Variants in KLK5 observed in about 807,000 individuals in gnomAD.
KLK5 encodes kallikrein related peptidase 5, also known as kallikrein-5.
A neutral mutation model predicts 24.0 loss-of-function variants in KLK5; 18 were observed. That is an observed-to-expected ratio of 0.75 (90% CI 0.52 to 1.11). The LOEUF is 1.11. Ranked by LOEUF, KLK5 falls within the 50% of genes most tolerant of loss-of-function variation. KLK5 has a pLI of 0.00. For missense variants in KLK5, 374 were observed against 379.2 expected, an observed-to-expected ratio of 0.99 and a Z score of 0.11; for synonymous variants, 140 against 154.0, an observed-to-expected ratio of 0.91 and a Z score of 0.67.
rs2090658135 is a variant in KLK5, at chr19:50,948,850, G to T, written c.592+9C>A. The T allele has an allele frequency of 6.2e-7, 1 of 1,613,966 alleles. No individual in the cohort carries two copies. The highest frequency in any genetic ancestry group is 1.3e-5 in the African/African-American group (1 of 74,888). On this transcript the variant is annotated intron_variant, in intron 4 of 5. Coordinates refer to ENST00000336334, the MANE Select transcript of KLK5 (RefSeq NM_012427.5). The stretch of plus-strand genomic sequence containing the variant: ...ATGGGTCGGTATCAAGAAGAACCTG[G>T]ACACTCACCTTGGGGGCTCTTGGTT...
rs1285539655 is a variant in KLK5 at position 50,949,854 on chromosome 19, C to A, written c.335+1G>T. Reference sequence around the variant, plus strand: ...ACCCTCCTCTTGGAACTCCCACTCACTTCTTCCTGCAGTGGGCGGCCGTGA... The same window carrying A: ...ACCCTCCTCTTGGAACTCCCACTCAATTCTTCCTGCAGTGGGCGGCCGTGA... On this transcript the variant is annotated splice_donor_variant, in intron 3 of 5. Coordinates refer to ENST00000336334, the MANE Select transcript of KLK5 (RefSeq NM_012427.5). LOFTEE classifies it high-confidence loss of function. The A allele has an allele frequency of 5.7e-6, 9 of 1,574,484 alleles. No individual in the cohort carries two copies. Among genetic ancestry groups the A allele is most frequent in the Non-Finnish European group, 7.8e-6 (9 of 1,154,580 alleles).
At chr19:50,950,170 G>A in intron 2 of KLK5, 54 bp from the exon 3 acceptor site, 1 of 1,564,636 alleles carries the variant, frequency 6.4e-7, no homozygotes, top group South Asian at 1.1e-5. Context: ...TGGGCTGGGG[G>A]TGGGTTTCAG....
Position 50,948,620 on chromosome 19 carries a change from A to G in KLK5, c.726+20T>C. The G allele has an allele frequency of 6.2e-7, 1 of 1,613,958 alleles. No individual in the cohort carries two copies. The stretch of plus-strand genomic sequence containing the variant: ...TTGGCACTCAGTGTGTATCTGCTGA[A>G]TAAAGAGAGGTGTCCTCACCTGGCA... On this transcript the variant is annotated intron_variant, in intron 5 of 5. Coordinates refer to ENST00000336334, the MANE Select transcript of KLK5 (RefSeq NM_012427.5).
At chr19:50,946,284 G>A (rs901007960) in intron 5 of KLK5, among the ~76,000 whole-genome samples, 1 of 152,236 alleles carries the variant, frequency 6.6e-6, no homozygotes, top group Non-Finnish European at 1.5e-5. Flanking sequence ...ATAATAACAG[G>A]TAAATGAGTT....
rs8106046 is a variant in KLK5, at chr19:50,952,556, C to T, written c.73+29G>A. On this transcript the variant is annotated intron_variant, in intron 2 of 5. Transcript: ENST00000336334. ...CGCAGAGACAGTCCTCCCAATCCCA[C>T]AACCCTCCCACCCCAGAGTTCTGGT... The T allele has an allele frequency of 4.4e-3, 6,765 of 1,546,766 alleles. 251 individuals are homozygous for T. In the African/African-American group the frequency reaches 0.083, roughly 19 times the overall value.
At chr19:50,948,432 T>A (rs1158699315) in intron 5 of KLK5, among the ~76,000 whole-genome samples, 1 of 152,216 alleles carries the variant, frequency 6.6e-6, no homozygotes, top group Non-Finnish European at 1.5e-5. Flanking sequence ...CTTTTTTACC[T>A]GTTTTAATGT....
intron 3 of KLK5, 112 bp downstream of exon 3, chr19:50,949,743 C>A: frequency 1.6e-6 from 1 of 627,636 alleles, no homozygotes. Flanking sequence ...CCCCCAACCC[C>A]ACTTCCCCGT....
In KLK5 at chr19:50,950,093, C is replaced by G. The variant is rs771405955; in HGVS notation, c.97G>C (p.Val33Leu). 1 of 1,612,176 alleles carries G rather than the reference C, an allele frequency of 6.2e-7. No homozygotes were observed. Among genetic ancestry groups the G allele is most frequent in the Non-Finnish European group, 8.5e-7 (1 of 1,179,122 alleles). Residue 33 changes from valine (V) to leucine (L), a missense_variant, in exon 3 of 6, where the codon GTT becomes CTT. Val to Leu is a conservative substitution (Grantham distance 32). Transcript: ENST00000336334. Reference protein sequence around the residue: ...VTEHVLANNDVSCDHPSNTVP... With the variant: ...VTEHVLANNDLSCDHPSNTVP... ...GTGTTAGAGGGGTGGTCACAGGAAA[C>G]ATCATTGTTGGCGAGAACATGCTCT...
At chr19:50,946,801 C>T (rs1222323279) in intron 5 of KLK5, among the ~76,000 whole-genome samples, 2 of 152,102 alleles carry the variant, frequency 1.3e-5, no homozygotes, top group African/African-American at 4.8e-5. Flanking sequence ...CCTAGTGATC[C>T]ACCCGCCTCG....
rs776035225 is a variant in KLK5 at position 50,949,840 on chromosome 19, G to A, written c.335+15C>T. The A allele has an allele frequency of 1.9e-5, 23 of 1,229,840 alleles. No homozygotes were observed. Among genetic ancestry groups the A allele is most frequent in the Non-Finnish European group, 2.2e-5 (21 of 944,556 alleles). 76.2% of individuals were successfully genotyped at this position (1,229,840 alleles called of 1,614,324 possible). The stretch of plus-strand genomic sequence containing the variant: ...CCCCGTCCCCACCAACCCTCCTCTT[G>A]GAACTCCCACTCACTTCTTCCTGCA... On this transcript the variant is annotated intron_variant, in intron 3 of 5. Transcript: ENST00000336334.
Position 50,948,626 on chromosome 19 carries a change from A to G in KLK5, c.726+14T>C. On this transcript the variant is annotated intron_variant, in intron 5 of 5. Transcript: ENST00000336334. ...CTCAGTGTGTATCTGCTGAATAAAG[A>G]GAGGTGTCCTCACCTGGCAGGAGTC... The G allele has an allele frequency of 6.2e-7, 1 of 1,613,970 alleles. No individual in the cohort carries two copies. The highest frequency in any genetic ancestry group is 1.3e-5 in the African/African-American group (1 of 75,030).
At chr19:50,948,561 T>C in intron 5 of KLK5, 79 bp downstream of exon 5, 1 of 1,462,866 alleles carries the variant, frequency 6.8e-7, no homozygotes, top group Non-Finnish European at 9.5e-7. Context: ...AATTGCTGGA[T>C]TCTCAGAATT....
intron 5 of KLK5, 115 bp from the exon 6 acceptor site, chr19:50,943,901 C>T: frequency 1.4e-6 from 1 of 721,618 alleles, no homozygotes; most frequent in Non-Finnish European, 2.2e-6. Flanking sequence ...AACAGACACA[C>T]AGAGATGGAA....
rs576017296 is a variant in KLK5 at position 50,945,742 on chromosome 19, T to G, written c.727-1956A>C. On this transcript the variant is annotated intron_variant, in intron 5 of 5. Transcript: ENST00000336334. ...GGAGGCGCATGCTGCAGTGAGCTGA[T>G]ATGGTGCCATTGCACTCCAGCCTGG... Among the ~76,000 whole-genome samples the G allele has an allele frequency of 1.9e-4, 29 of 149,394 alleles. No homozygotes were observed. In the South Asian group the frequency reaches 3.6e-3, roughly 19 times the overall value.
At chr19:50,946,513 T>C (rs1041537142) in intron 5 of KLK5, among the ~76,000 whole-genome samples, 1 of 151,676 alleles carries the variant, frequency 6.6e-6, no homozygotes, top group South Asian at 2.1e-4. Flanking sequence ...ACAGAAAGGC[T>C]AAATAGTTTT....
chr19:50,952,183 A>ATGTGTATC (rs61409696), intron 2 of KLK5, among the ~76,000 whole-genome samples: 1 of 151,038 alleles, frequency 6.6e-6, no homozygotes, highest in African/African-American at 2.4e-5. Context: ...AGGGACAGGA[A>ATGTGTATC]CTGCAGATAC....
chr19:50,944,057 G>A (rs779202171), intron 5 of KLK5, among the ~76,000 whole-genome samples: 3 of 151,564 alleles, frequency 2.0e-5, no homozygotes, highest in South Asian at 2.1e-4. Context: ...AGGTTGGAGC[G>A]CAGTGGCCTG....
intron 3 of KLK5, 116 bp downstream of exon 3, chr19:50,949,739 A>ACCCCCCCTCCCCCTCCCC: frequency 2.1e-5 from 9 of 432,312 alleles, no homozygotes; most frequent in South Asian, 4.8e-5. Context: ...GACACCCCCA[A>ACCCCCCCTCCCCCTCCCC]CCCCACTTCC....
chr19:50,945,488 G>A (rs1179857804), intron 5 of KLK5, among the ~76,000 whole-genome samples: 1 of 151,738 alleles, frequency 6.6e-6, no homozygotes, highest in African/African-American at 2.4e-5. Flanking sequence ...TCTGTTTGAG[G>A]TAGAGAGAAA....
Sources: allele counts gnomAD v4.1 joint callset (sites outside exome capture counted in the v4.1 genomes callset), GRCh38; gene constraint gnomAD v4.1.1; transcripts MANE v1.5; gene names NCBI Gene and HGNC (gene_info 2026-07-23, HGNC 2026-07-21).